GCNT2: variants seen among roughly 807,000 people sequenced by gnomAD.
GCNT2 encodes the protein N-acetyllactosaminide beta-1,6-N-acetylglucosaminyl-transferase.
In GCNT2, 34 loss-of-function variants were observed where a neutral mutation model predicts 34.2. That is an observed-to-expected ratio of 1.00 (90% CI 0.76 to 1.32). The LOEUF (loss-of-function observed/expected upper bound fraction) is 1.32. Ranked by LOEUF, GCNT2 falls within the 40% of genes most tolerant of loss-of-function variation. GCNT2 has a pLI of 0.00. For synonymous variants in GCNT2, 212 were observed against 188.0 expected, an observed-to-expected ratio of 1.13 and a Z score of -1.04; for missense variants, 584 against 489.4, an observed-to-expected ratio of 1.19 and a Z score of -1.82.
At chr6:10,586,786 A>G (rs753072483) in intron 3 of GCNT2, 11 of 1,613,912 alleles carry the variant, frequency 6.8e-6, no homozygotes, top group East Asian at 4.5e-5. Context: ...GGCACTGCCT[A>G]TGTGGCGCTT....
intron 3 of GCNT2, among the ~76,000 whole-genome samples, chr6:10,567,660 C>G (rs1275686704): frequency 6.6e-6 from 1 of 152,122 alleles, no homozygotes; most frequent in African/African-American, 2.4e-5. Flanking sequence ...AGAGCCAGGG[C>G]ACAAATTGAT....
intron 3 of GCNT2, among the ~76,000 whole-genome samples, chr6:10,595,197 A>C (rs374877616): frequency 6.6e-6 from 1 of 152,330 alleles, no homozygotes; most frequent in African/African-American, 2.4e-5. Flanking sequence ...CCTTAAAAAC[A>C]TGAAGGATGT....
chr6:10,579,730 G>T (rs579394), intron 3 of GCNT2, among the ~76,000 whole-genome samples: 12 of 151,566 alleles, frequency 7.9e-5, no homozygotes, highest in Admixed American at 2.6e-4. Context: ...GCAAGAGAAT[G>T]GCTTGAACCC....
intron 3 of GCNT2, among the ~76,000 whole-genome samples, chr6:10,557,592 A>G (rs987865781): frequency 1.3e-5 from 2 of 151,920 alleles, no homozygotes; most frequent in African/African-American, 4.8e-5. Context: ...GGCTCCAGCA[A>G]TCCTCCCACT....
chr6:10,605,168 G>T (rs1293194556), intron 3 of GCNT2, among the ~76,000 whole-genome samples: 1 of 149,786 alleles, frequency 6.7e-6, no homozygotes, highest in African/African-American at 2.5e-5. Flanking sequence ...ACAAAAAACA[G>T]GTGTTCTCAA....
At chr6:10,570,176 T>C (rs9379516) in intron 3 of GCNT2, among the ~76,000 whole-genome samples, 99,384 of 152,036 alleles carry the variant, frequency 0.65, 32,677 homozygotes, top group Middle Eastern at 0.73. Context: ...CTCAAGTGAT[T>C]CACCTGTCTC....
In GCNT2 at chr6:10,556,380, T is replaced by G. The variant is rs758550731; in HGVS notation, c.925+26544T>G. On this transcript the variant is annotated intron_variant, in intron 3 of 4. Coordinates refer to ENST00000495262, the MANE Select transcript of GCNT2 (RefSeq NM_145649.5). ...AACGAGTGAGTTTGGAAAAAAGACT[T>G]ACAGATTTTGACGGTCTCTTGACAT... 6.8e-6 allele frequency: 11 copies of G among 1,611,940 alleles called. No homozygotes were observed. In the Admixed American group the frequency reaches 8.3e-5, roughly 12 times the overall value.
intron 3 of GCNT2, among the ~76,000 whole-genome samples, chr6:10,565,739 C>T (rs1473770793): frequency 6.6e-6 from 1 of 152,156 alleles, no homozygotes; most frequent in Admixed American, 6.5e-5. Context: ...ACACCACCGG[C>T]CAAGATAGTA....
chr6:10,535,088 G>T (rs988526579), intron 3 of GCNT2, among the ~76,000 whole-genome samples: 4 of 152,160 alleles, frequency 2.6e-5, no homozygotes, highest in Admixed American at 2.6e-4. Flanking sequence ...GGAGGCTGAG[G>T]CAGGAGAATC....
At chr6:10,586,429 T>A (rs891746628) in intron 3 of GCNT2, 1 of 1,614,192 alleles carries the variant, frequency 6.2e-7, no homozygotes, top group Non-Finnish European at 8.5e-7. Context: ...CTGAGTTGCT[T>A]CCAAAATGCT....
intron 3 of GCNT2, among the ~76,000 whole-genome samples, chr6:10,601,438 C>T (rs1038610734): frequency 6.6e-6 from 1 of 152,066 alleles, no homozygotes; most frequent in African/African-American, 2.4e-5. Flanking sequence ...TAAAAGTTGC[C>T]ATCAATCAAT....
At chr6:10,569,041 A>C (rs966760151) in intron 3 of GCNT2, among the ~76,000 whole-genome samples, 13 of 152,180 alleles carry the variant, frequency 8.5e-5, no homozygotes, top group African/African-American at 2.9e-4. Context: ...TACCGCGACT[A>C]GACTATAATG....
intron 3 of GCNT2, among the ~76,000 whole-genome samples, chr6:10,609,254 AG>A (rs1466985615): frequency 6.6e-6 from 1 of 152,258 alleles, no homozygotes; most frequent in Non-Finnish European, 1.5e-5. Flanking sequence ...AGAGCACAGC[AG>A]TGGCATCTGG....
At chr6:10,549,729 C>A (rs563396092) in intron 3 of GCNT2, among the ~76,000 whole-genome samples, 5 of 152,044 alleles carry the variant, frequency 3.3e-5, no homozygotes, top group African/African-American at 9.6e-5. Flanking sequence ...TAATCCCTTT[C>A]CTACACCGTC....
intron 3 of GCNT2, among the ~76,000 whole-genome samples, chr6:10,617,535 G>A (rs1765834210): frequency 6.6e-6 from 1 of 152,210 alleles, no homozygotes; most frequent in South Asian, 2.1e-4. Flanking sequence ...GAGGTGCCGA[G>A]AGCGAGCGAG....
chr6:10,584,361 C>T (rs993400060), intron 3 of GCNT2, among the ~76,000 whole-genome samples: 1 of 152,174 alleles, frequency 6.6e-6, no homozygotes, highest in African/African-American at 2.4e-5. Flanking sequence ...ATCCATAAGG[C>T]GATTTTCTCT....
intron 1 of GCNT2, among the ~76,000 whole-genome samples, chr6:10,526,240 G>A (rs1482172417): frequency 6.6e-6 from 1 of 152,142 alleles, no homozygotes; most frequent in Non-Finnish European, 1.5e-5. Flanking sequence ...TATTTTGGGG[G>A]CCCTATAGGC....
chr6:10,592,114 G>A (rs769250589), intron 3 of GCNT2, among the ~76,000 whole-genome samples: 4 of 152,288 alleles, frequency 2.6e-5, no homozygotes, highest in South Asian at 2.1e-4. Context: ...CAGGACGTTC[G>A]AGTCTAAAAT....
Position 10,601,802 on chromosome 6 carries a change from G to T in GCNT2, c.926-19549G>T, listed in dbSNP as rs913807218. 1.1e-3 allele frequency among the ~76,000 whole-genome samples: 166 copies of T among 151,986 alleles called. 1 individual carries two copies. Among genetic ancestry groups the T allele is most frequent in the African/African-American group, 3.8e-3 (159 of 41,370 alleles). ...CTAAAAATACAAAAATTAGCCGGGC[G>T]TGGTGGCGGGTGCCTGTAGTCCCAG... On this transcript the variant is annotated intron_variant, in intron 3 of 4. Transcript: ENST00000495262.
Sources: allele counts gnomAD v4.1 joint callset (sites outside exome capture counted in the v4.1 genomes callset), GRCh38; gene constraint gnomAD v4.1.1; transcripts MANE v1.5; gene names NCBI Gene and HGNC (gene_info 2026-07-23, HGNC 2026-07-21).